The following SUPT6H variants were observed in gnomAD, a reference collection of about 807,000 sequenced individuals.
SUPT6H encodes transcription elongation factor SPT6.
SUPT6H carries 11 observed loss-of-function variants against 222.3 expected under a neutral mutation model. The ratio of observed to expected loss-of-function variants is 0.05; its 90% CI spans 0.03 to 0.08. SUPT6H has a LOEUF of 0.08. Among genes scored for constraint, SUPT6H ranks in the 10% least tolerant of loss-of-function variants. The probability of loss-of-function intolerance (pLI) is 1.00; values close to 1 mark genes in which losing one functional copy is unlikely to be tolerated. For missense variants in SUPT6H, 1,422 were observed against 2,216.0 expected, an observed-to-expected ratio of 0.64 and a Z score of 7.19; for synonymous variants, 762 against 801.2, an observed-to-expected ratio of 0.95 and a Z score of 0.83.
chr17:28,667,919 A>AG (rs200837404), intron 1 of SUPT6H, among the ~76,000 whole-genome samples: 6 of 151,884 alleles, frequency 4.0e-5, no homozygotes, highest in African/African-American at 1.5e-4. Flanking sequence ...AAAAAAAAAA[A>AG]CCCAGCAAAT....
chr17:28,697,514 A>G (rs2031977184), intron 30 of SUPT6H, 106 bp from the exon 31 acceptor site: 1 of 829,092 alleles, frequency 1.2e-6, no homozygotes, highest in Non-Finnish European at 2.0e-6. Flanking sequence ...GGACTTTGCT[A>G]TGGACTGAGA....
chr17:28,679,684 CTG>C (rs1396880349), intron 11 of SUPT6H, among the ~76,000 whole-genome samples: 1 of 151,728 alleles, frequency 6.6e-6, no homozygotes, highest in Non-Finnish European at 1.5e-5. Flanking sequence ...CCGGCCGATC[CTG>C]TCTCATAAGA....
In SUPT6H at chr17:28,684,624, A is replaced by T; in HGVS notation, c.2268A>T (p.Ala756=). The change falls in exon 18 of 37, where the codon GCA becomes GCT. Residue 756 remains alanine (A), a synonymous_variant. Coordinates refer to ENST00000314616, the MANE Select transcript of SUPT6H (RefSeq NM_003170.5). ...AGCTCTACAATTGGTTGAGAGTGGCACCCTACCGACCAGATCAGCAGGTGG... is the reference window on the plus strand; with the variant it reads ...AGCTCTACAATTGGTTGAGAGTGGCTCCCTACCGACCAGATCAGCAGGTGG... ...SRKLYNWLRV[A]PYRPDQQVEE... 1 of 1,614,052 alleles carries T rather than the reference A, an allele frequency of 6.2e-7. No individual in the cohort carries two copies. The highest frequency in any genetic ancestry group is 8.5e-7 in the Non-Finnish European group (1 of 1,179,998).
chr17:28,666,713 G>A (rs567294834), intron 1 of SUPT6H, among the ~76,000 whole-genome samples: 190 of 151,946 alleles, frequency 1.3e-3, no homozygotes, highest in Non-Finnish European at 2.1e-3. Flanking sequence ...CACCACACCC[G>A]GCTAATTTTT....
chr17:28,667,405 G>GTATATATATATATATA (rs59286877), intron 1 of SUPT6H, among the ~76,000 whole-genome samples: 47 of 49,258 alleles, frequency 9.5e-4, no homozygotes, highest in South Asian at 1.2e-3. Flanking sequence ...GTGTGTGTGT[G>GTATATATATATATATA]TATATATATA....
chr17:28,678,709 A>G (rs2030906269), intron 10 of SUPT6H, 75 bp downstream of exon 10: 30 of 1,611,000 alleles, frequency 1.9e-5, no homozygotes, highest in Non-Finnish European at 2.5e-5. Context: ...CACAAACCCA[A>G]ACCCCCCAGG....
In SUPT6H at chr17:28,686,779, A is replaced by T; in HGVS notation, c.2690A>T (p.Lys897Met). The T allele has an allele frequency of 5.6e-6, 9 of 1,604,940 alleles. No individual in the cohort carries two copies. Among genetic ancestry groups the T allele is most frequent in the Non-Finnish European group, 7.7e-6 (9 of 1,176,444 alleles). ...NELAILYMNS[K>M]KSEAEFRDYP... is the part of the protein sequence containing the mutation. ...TTGGCCATTCTCTATATGAACAGCA[A>T]GAAGTCAGAGGTAATGCTGGAGCCT... Residue 897 changes from lysine to methionine, a missense_variant, in exon 21 of 37, where the codon AAG becomes ATG. Physicochemically the swap from Lys to Met is moderately conservative, Grantham distance 95. Coordinates refer to ENST00000314616, the MANE Select transcript of SUPT6H (RefSeq NM_003170.5).
In SUPT6H at chr17:28,693,688, C is replaced by G; in HGVS notation, c.3634-8C>G. On this transcript the variant is annotated splice_region_variant and splice_polypyrimidine_tract_variant and intron_variant, in intron 27 of 36. Transcript: ENST00000314616. ...ATAATCAAGCTCTTCTCCTCATGCC[C>G]TCTTCAGGTGTGGAACCACTTTGAC... The G allele has an allele frequency of 1.2e-6, 2 of 1,614,194 alleles. No individual in the cohort carries two copies. Among genetic ancestry groups the G allele is most frequent in the East Asian group, 2.2e-5 (1 of 44,884 alleles).
chr17:28,681,127 T>C (rs1567693342), intron 11 of SUPT6H, 129 bp from the exon 12 acceptor site: 1 of 914,426 alleles, frequency 1.1e-6, no homozygotes. Flanking sequence ...GTAATAATAA[T>C]TGGAAAAAAC....
intron 1 of SUPT6H, among the ~76,000 whole-genome samples, chr17:28,669,804 C>T (rs890394057): frequency 2.0e-5 from 3 of 152,274 alleles, no homozygotes; most frequent in East Asian, 1.9e-4. Context: ...GACGTGGTGG[C>T]GAGCGCCTGT....
At chr17:28,701,355 G>A in intron 36 of SUPT6H, 84 bp from the exon 37 acceptor site, 1 of 1,531,416 alleles carries the variant, frequency 6.5e-7, no homozygotes, top group Non-Finnish European at 8.9e-7. Flanking sequence ...ATAGGTATGA[G>A]GTTCCTTTCT....
At chr17:28,672,264 C>T (rs535106051) in intron 1 of SUPT6H, among the ~76,000 whole-genome samples, 1 of 152,346 alleles carries the variant, frequency 6.6e-6, no homozygotes, top group African/African-American at 2.4e-5. Context: ...ACTCTACCAC[C>T]ATATCCCCAC....
chr17:28,682,898 G>T, intron 14 of SUPT6H, 42 bp downstream of exon 14: 1 of 1,613,700 alleles, frequency 6.2e-7, no homozygotes, highest in South Asian at 1.1e-5. Context: ...GGGGCCTGAG[G>T]ACCACAACAC....
At chr17:28,674,636 T>C (rs1196582776) in intron 4 of SUPT6H, 23 bp downstream of exon 4, 5 of 1,610,474 alleles carry the variant, frequency 3.1e-6, no homozygotes, top group African/African-American at 1.3e-5. Context: ...CTTTGTCTTT[T>C]GTCCCTGGGG....
intron 4 of SUPT6H, 89 bp downstream of exon 4, chr17:28,674,702 G>C (rs1365098826): frequency 7.9e-7 from 1 of 1,260,752 alleles, no homozygotes; most frequent in African/African-American, 1.5e-5. Flanking sequence ...GCACACGCAG[G>C]ACAGTTTGGA....
chr17:28,698,153 A>G (rs754975923), intron 32 of SUPT6H, 123 bp downstream of exon 32: 64 of 1,320,722 alleles, frequency 4.8e-5, no homozygotes, highest in Admixed American at 1.2e-4. Flanking sequence ...TCATCTGTTT[A>G]GAACAGAGGT....
At chr17:28,690,642 T>G (rs1490889919) in intron 26 of SUPT6H, among the ~76,000 whole-genome samples, 1 of 152,084 alleles carries the variant, frequency 6.6e-6, no homozygotes, top group Non-Finnish European at 1.5e-5. Flanking sequence ...AGCGTGGTGG[T>G]GGGCACCTGT....
intron 3 of SUPT6H, 35 bp from the exon 4 acceptor site, chr17:28,674,502 A>G (rs749308798): frequency 1.9e-6 from 3 of 1,613,658 alleles, no homozygotes; most frequent in African/African-American, 1.3e-5. Context: ...GAAAAGGGCA[A>G]CCCCATCACC....
chr17:28,675,359 AG>A (rs1306507239), intron 5 of SUPT6H, 41 bp from the exon 6 acceptor site: 9 of 1,607,450 alleles, frequency 5.6e-6, no homozygotes, highest in Non-Finnish European at 6.0e-6. Context: ...GTCCTGGCTC[AG>A]CCCCTGACTC....
Sources: allele counts gnomAD v4.1 joint callset (sites outside exome capture counted in the v4.1 genomes callset), GRCh38; gene constraint gnomAD v4.1.1; transcripts MANE v1.5; gene names NCBI Gene and HGNC (gene_info 2026-07-23, HGNC 2026-07-21).